Variants in CDH23 observed in about 807,000 individuals in gnomAD.
CDH23 encodes cadherin-23.
CDH23 carries 189 observed loss-of-function variants against 317.1 expected under a neutral mutation model. The observed-to-expected ratio is 0.60, with a 90% CI of 0.53 to 0.67. The LOEUF (loss-of-function observed/expected upper bound fraction) is 0.67. CDH23 is among the 30% of genes least tolerant of loss of function. The probability of loss-of-function intolerance (pLI) is 0.00; values close to 1 mark genes in which losing one functional copy is unlikely to be tolerated. For synonymous variants in CDH23, 1,839 were observed against 1,876.8 expected (o/e 0.98, Z 0.52); for missense variants, 4,401 against 4,592.4 (o/e 0.96, Z 1.20).
At chr10:71,556,013 G>A (rs921294233) in intron 6 of CDH23, among the ~76,000 whole-genome samples, 3 of 152,124 alleles carry the variant, frequency 2.0e-5, no homozygotes, top group African/African-American at 7.2e-5. Context: ...GCTCTCTAGG[G>A]GAAATATCCA....
chr10:71,734,009 G>A (rs1403689560), intron 32 of CDH23, among the ~76,000 whole-genome samples: 2 of 152,228 alleles, frequency 1.3e-5, no homozygotes, highest in East Asian at 3.8e-4. Flanking sequence ...GAGGGGTAGT[G>A]GAGCCCCTCA....
rs2132695037 is a variant in CDH23, at chr10:71,687,730, A to G, written c.2059+11A>G. On this transcript the variant is annotated intron_variant, in intron 19 of 69. Coordinates refer to ENST00000224721, the MANE Select transcript of CDH23 (RefSeq NM_022124.6). ...AGAACATCATGGCAGGTACAGGCTC[A>G]GGTCGGGGGGTGGGGGGCACATGGA... is the stretch of plus-strand genomic sequence containing the variant. 4 of 1,611,516 alleles carry G rather than the reference A, an allele frequency of 2.5e-6. No individual in the cohort carries two copies. The South Asian group carries it at 4.4e-5, about 18-fold the overall frequency.
In CDH23 at chr10:71,814,932, G is replaced by C. The variant is rs776240384; in HGVS notation, c.9739-20G>C. ...CCTTGGGCATGGCCCTGAGCATGTG[G>C]GGGTCCCGGCCTCTTGCAGCTGATA... is the stretch of plus-strand genomic sequence containing the variant. On this transcript the variant is annotated intron_variant, in intron 69 of 69. Coordinates refer to ENST00000224721, the MANE Select transcript of CDH23 (RefSeq NM_022124.6). The C allele has an allele frequency of 1.3e-5, 20 of 1,592,642 alleles. No individual in the cohort carries two copies. The highest frequency in any genetic ancestry group is 1.1e-4 in the African/African-American group (8 of 74,572).
intron 1 of CDH23, among the ~76,000 whole-genome samples, chr10:71,438,494 C>T (rs1467171285): frequency 1.3e-5 from 2 of 151,994 alleles, no homozygotes; most frequent in African/African-American, 4.8e-5. Flanking sequence ...TGTTGTATGT[C>T]GTGTTGGTCA....
At chr10:71,566,210 T>A (rs950466473) in intron 6 of CDH23, among the ~76,000 whole-genome samples, 2 of 152,024 alleles carry the variant, frequency 1.3e-5, no homozygotes, top group African/African-American at 2.4e-5. Flanking sequence ...CCCATTCAGG[T>A]TGACACTTGT....
chr10:71,606,300 T>G (rs1347548294), intron 9 of CDH23, among the ~76,000 whole-genome samples: 3 of 152,248 alleles, frequency 2.0e-5, no homozygotes, highest in Non-Finnish European at 4.4e-5. Flanking sequence ...TTACCCTGAC[T>G]GGACAGTAAT....
At chr10:71,660,018 T>C (rs1863581380) in intron 14 of CDH23, among the ~76,000 whole-genome samples, 1 of 141,450 alleles carries the variant, frequency 7.1e-6, no homozygotes, top group South Asian at 2.6e-4. Context: ...TGGAGTACCA[T>C]AGTGCGATCT....
chr10:71,737,935 C>T (rs1341182459), intron 34 of CDH23: 2 of 405,604 alleles, frequency 4.9e-6, no homozygotes, highest in African/African-American at 2.0e-5. Context: ...CCCACTGGAA[C>T]CAAGCCACCT....
At chr10:71,425,232 GGAGAGAGAGAGAGA>G (rs748338206) in intron 1 of CDH23, among the ~76,000 whole-genome samples, 33,054 of 73,612 alleles carry the variant, frequency 0.45, 5,122 homozygotes, top group Middle Eastern at 0.6. Flanking sequence ...AGAGAGAGAG[GGAGAGAGAGAGAGA>G]GAGAGAGAGA....
intron 6 of CDH23, among the ~76,000 whole-genome samples, chr10:71,525,506 GC>G (rs1435779868): frequency 6.6e-6 from 1 of 152,196 alleles, no homozygotes; most frequent in Non-Finnish European, 1.5e-5. Context: ...ATCCACGAGG[GC>G]CAGCCGTGGG....
chr10:71,612,910 G>A (rs775164655), intron 9 of CDH23, among the ~76,000 whole-genome samples: 10 of 152,242 alleles, frequency 6.6e-5, no homozygotes, highest in Non-Finnish European at 1.3e-4. Flanking sequence ...GTGCAGTGGT[G>A]TGATCTCGGC....
intron 9 of CDH23, among the ~76,000 whole-genome samples, chr10:71,581,306 A>G (rs1360972830): frequency 6.6e-6 from 1 of 152,180 alleles, no homozygotes; most frequent in African/African-American, 2.4e-5. Flanking sequence ...AGCCAAATGG[A>G]GAGTCCTGAG....
chr10:71,491,354 A>G (rs1852647818), intron 3 of CDH23, among the ~76,000 whole-genome samples: 1 of 152,198 alleles, frequency 6.6e-6, no homozygotes, highest in South Asian at 2.1e-4. Context: ...ACACCCCAGG[A>G]AACATCAGTC....
intron 21 of CDH23, among the ~76,000 whole-genome samples, chr10:71,695,114 C>T (rs1865330966): frequency 1.3e-5 from 2 of 152,228 alleles, no homozygotes; most frequent in East Asian, 1.9e-4. Flanking sequence ...CCCTGTCAGT[C>T]ACCTTCAGCC....
intron 18 of CDH23, among the ~76,000 whole-genome samples, chr10:71,683,781 C>G (rs1864755669): frequency 6.6e-6 from 1 of 152,058 alleles, no homozygotes; most frequent in Non-Finnish European, 1.5e-5. Context: ...GGACAGGGAC[C>G]AGGAGATCTT....
chr10:71,590,873 TAA>T lies in CDH23; in HGVS notation c.832+12893_832+12894del, dbSNP rs71018215. On this transcript the variant is annotated intron_variant, in intron 9 of 69. Coordinates refer to ENST00000224721, the MANE Select transcript of CDH23 (RefSeq NM_022124.6). ...GGGCAACAGAGTGAGACCCTGTCTC[TAA>T]AAAAAAAAAAACAAAAAAAAACAAA... 2.8e-3 allele frequency among the ~76,000 whole-genome samples: 203 copies of T among 72,314 alleles called. 5 individuals carry two copies. The highest frequency in any genetic ancestry group is 0.013 in the African/African-American group (195 of 14,470). 47.4% of individuals were successfully genotyped at this position (72,314 alleles called of 152,430 possible).
At chr10:71,502,036 C>T (rs755611823) in intron 3 of CDH23, among the ~76,000 whole-genome samples, 8 of 152,212 alleles carry the variant, frequency 5.3e-5, no homozygotes, top group Non-Finnish European at 8.8e-5. Context: ...CTATCCCAGG[C>T]GGCCCTCTCC....
In CDH23 at chr10:71,709,212, G is replaced by T. The variant is rs1487026359; in HGVS notation, c.3220+1G>T. The T allele has an allele frequency of 6.2e-7, 1 of 1,612,822 alleles. No homozygotes were observed. Among genetic ancestry groups the T allele is most frequent in the East Asian group, 2.2e-5 (1 of 44,866 alleles). On this transcript the variant is annotated splice_donor_variant, in intron 27 of 69. Coordinates refer to ENST00000224721, the MANE Select transcript of CDH23 (RefSeq NM_022124.6). LOFTEE classifies it high-confidence loss of function. ...TACATGCTCATCCTGGAGGCCATCG[G>T]TATGCACCAGTCCCGCACCCACCAA...
At chr10:71,450,236 G>T (rs941904431) in intron 3 of CDH23, among the ~76,000 whole-genome samples, 47 of 150,020 alleles carry the variant, frequency 3.1e-4, no homozygotes, top group African/African-American at 1.1e-3. Context: ...CAGGGGTGCT[G>T]TCTCCCACTT....
Sources: gnomAD v4.1 joint callset for allele counts (sites outside exome capture counted in the v4.1 genomes callset) on GRCh38, gnomAD v4.1.1 for gene constraint, MANE v1.5 for transcripts, NCBI Gene and HGNC (gene_info 2026-07-23, HGNC 2026-07-21) for gene names.